The following PLCB1 variants were observed in gnomAD, a reference collection of about 807,000 sequenced individuals.
PLCB1 encodes 1-phosphatidylinositol 4,5-bisphosphate phosphodiesterase beta-1.
A neutral mutation model predicts 161.8 loss-of-function variants in PLCB1; 46 were observed. The ratio of observed to expected loss-of-function variants is 0.28; its 90% CI spans 0.22 to 0.36. The LOEUF (loss-of-function observed/expected upper bound fraction) is 0.36, where lower values mean the gene tolerates loss of function less well. Among genes scored for constraint, PLCB1 ranks in the 10% least tolerant of loss-of-function variants. PLCB1 has a pLI of 1.00. For synonymous variants in PLCB1, 517 were observed against 503.7 expected, an observed-to-expected ratio of 1.03 and a Z score of -0.35; for missense variants, 1,016 against 1,472.5, an observed-to-expected ratio of 0.69 and a Z score of 5.07.
chr20:8,133,559 C>T (rs1247119577), intron 1 of PLCB1, among the ~76,000 whole-genome samples: 1 of 152,174 alleles, frequency 6.6e-6, no homozygotes, highest in African/African-American at 2.4e-5. Flanking sequence ...TAATGCTTTA[C>T]GAGCGGCCCA....
intron 3 of PLCB1, among the ~76,000 whole-genome samples, chr20:8,453,992 C>T (rs754775955): frequency 2.6e-5 from 4 of 152,148 alleles, no homozygotes; most frequent in Non-Finnish European, 4.4e-5. Context: ...AGCTCACTCA[C>T]TCTGTGCACA....
At chr20:8,864,904 C>G (rs1044859297) in intron 31 of PLCB1, among the ~76,000 whole-genome samples, 1 of 152,066 alleles carries the variant, frequency 6.6e-6, no homozygotes, top group Non-Finnish European at 1.5e-5. Context: ...TGGGAAGCAG[C>G]GCCAGAATTA....
intron 2 of PLCB1, among the ~76,000 whole-genome samples, chr20:8,285,264 T>C (rs1286791059): frequency 6.7e-6 from 1 of 148,586 alleles, no homozygotes; most frequent in Admixed American, 6.7e-5. Flanking sequence ...CATATAAATA[T>C]AAAATATTTC....
chr20:8,232,685 G>T (rs17345498), intron 2 of PLCB1, among the ~76,000 whole-genome samples: 14,486 of 152,146 alleles, frequency 0.095, 846 homozygotes, highest in Middle Eastern at 0.21. Context: ...TGTGCTTCTT[G>T]CTGGGCACCA....
intron 31 of PLCB1, among the ~76,000 whole-genome samples, chr20:8,863,523 C>G (rs914040660): frequency 6.6e-6 from 1 of 152,176 alleles, no homozygotes; most frequent in African/African-American, 2.4e-5. Context: ...AAGCTTCCGA[C>G]TTAGTAAGTT....
intron 3 of PLCB1, among the ~76,000 whole-genome samples, chr20:8,618,567 C>T (rs1345351335): frequency 6.6e-6 from 1 of 151,940 alleles, no homozygotes; most frequent in Non-Finnish European, 1.5e-5. Context: ...AATCATATAA[C>T]ATAACTAACA....
chr20:8,234,073 T>C (rs1467488733), intron 2 of PLCB1, among the ~76,000 whole-genome samples: 1 of 152,134 alleles, frequency 6.6e-6, no homozygotes, highest in Non-Finnish European at 1.5e-5. Flanking sequence ...TAAAAATTTC[T>C]GCTTGGTGTG....
At chr20:8,720,393 C>T (rs1841225865) in intron 14 of PLCB1, among the ~76,000 whole-genome samples, 1 of 152,180 alleles carries the variant, frequency 6.6e-6, no homozygotes, top group African/African-American at 2.4e-5. Context: ...AACTTTTGGA[C>T]ATTTTAATAT....
intron 31 of PLCB1, chr20:8,802,279 T>G: frequency 1.5e-5 from 9 of 614,948 alleles, no homozygotes; most frequent in Non-Finnish European, 2.0e-5. Context: ...TCCCTTTCTC[T>G]ACATTCCCAT....
rs551358521 is a variant in PLCB1, at chr20:8,726,133, G to A, written c.1679-1176G>A. Reference sequence around the variant, plus strand: ...AATTTCGAAAGAGAGGTCAAAGAGGGAAAATATCTCAAAGATAACTCAGTT... The same window carrying A: ...AATTTCGAAAGAGAGGTCAAAGAGGAAAAATATCTCAAAGATAACTCAGTT... On this transcript the variant is annotated intron_variant, in intron 16 of 31. Coordinates refer to ENST00000338037, the MANE Select transcript of PLCB1 (RefSeq NM_015192.4). Among the ~76,000 whole-genome samples, 188 of 152,138 alleles carry A rather than the reference G, an allele frequency of 1.2e-3. No homozygotes were observed. The Middle Eastern group carries it at 0.014, about 11-fold the overall frequency.
chr20:8,161,952 A>C (rs1391691139), intron 2 of PLCB1, among the ~76,000 whole-genome samples: 6 of 151,962 alleles, frequency 3.9e-5, no homozygotes, highest in East Asian at 3.9e-4. Flanking sequence ...CAGAAGTAAC[A>C]CTCCACATGA....
intron 2 of PLCB1, chr20:8,306,462 G>A (rs1222035746): frequency 6.6e-6 from 1 of 152,216 alleles, no homozygotes; most frequent in South Asian, 2.1e-4. Context: ...ATTTACTTAA[G>A]TTTTGGATTG....
In PLCB1 at chr20:8,269,594, T is replaced by C. The variant is rs1005773185; in HGVS notation, c.178-101788T>C. ...GGAGTCGTAAAGTAATAAAGAAAAC[T>C]GATTGTCTTGTTTCCTATTTTTTTT... On this transcript the variant is annotated intron_variant, in intron 2 of 31. Coordinates refer to ENST00000338037, the MANE Select transcript of PLCB1 (RefSeq NM_015192.4). Among the ~76,000 whole-genome samples the C allele has an allele frequency of 3.3e-5, 5 of 152,248 alleles. No homozygotes were observed. The South Asian group carries it at 1.0e-3, about 32-fold the overall frequency.
At chr20:8,171,888 A>G (rs2051736180) in intron 2 of PLCB1, among the ~76,000 whole-genome samples, 1 of 152,190 alleles carries the variant, frequency 6.6e-6, no homozygotes, top group African/African-American at 2.4e-5. Flanking sequence ...GCACTTCCTT[A>G]ATTAGTTTAC....
At chr20:8,218,702 C>T (rs539196011) in intron 2 of PLCB1, among the ~76,000 whole-genome samples, 2 of 151,628 alleles carry the variant, frequency 1.3e-5, no homozygotes, top group African/African-American at 4.8e-5. Context: ...ATGAATTAGT[C>T]GGTCTCAAGG....
chr20:8,727,433 C>A (rs755893256), intron 17 of PLCB1, 40 bp downstream of exon 17: 5 of 1,067,116 alleles, frequency 4.7e-6, no homozygotes, highest in Non-Finnish European at 7.2e-6. Flanking sequence ...ATGAACACAG[C>A]TGAAGTCTTG....
At position 8,847,257 on chromosome 20, in the gene PLCB1, C is replaced by G. The variant is rs73605753; in HGVS notation, c.3424-34365C>G. Among the ~76,000 whole-genome samples, 1,323 of 152,276 alleles carry G rather than the reference C, an allele frequency of 8.7e-3. 22 individuals are homozygous for G. Among genetic ancestry groups the G allele is most frequent in the African/African-American group, 0.03 (1,233 of 41,554 alleles). On this transcript the variant is annotated intron_variant, in intron 31 of 31. Transcript: ENST00000338037. Reference sequence around the variant, plus strand: ...GCAGGATCTGAGACAAAAGAAAGCTCTCAATCTATAGCCTTTCACCTTGTC... The same window carrying G: ...GCAGGATCTGAGACAAAAGAAAGCTGTCAATCTATAGCCTTTCACCTTGTC...
rs987341729 is a variant in PLCB1, at chr20:8,144,362, C to T, written c.100-5932C>T. Among the ~76,000 whole-genome samples the T allele has an allele frequency of 3.9e-5, 6 of 152,234 alleles. No homozygotes were observed. The South Asian group carries it at 6.2e-4, about 16-fold the overall frequency. On this transcript the variant is annotated intron_variant, in intron 1 of 31. Coordinates refer to ENST00000338037, the MANE Select transcript of PLCB1 (RefSeq NM_015192.4). Reference sequence around the variant, plus strand: ...GGATTATCTGAAGGATCTTGCACGACACTTGAAGAACAATTCTTCCAACAT... The same window carrying T: ...GGATTATCTGAAGGATCTTGCACGATACTTGAAGAACAATTCTTCCAACAT...
intron 3 of PLCB1, among the ~76,000 whole-genome samples, chr20:8,401,162 AT>A (rs10717058): frequency 0.51 from 77,638 of 151,896 alleles, 20,915 homozygotes; most frequent in African/African-American, 0.69. Flanking sequence ...AACTTTTCAT[AT>A]TGTGTTGTTT....
Sources: gnomAD v4.1 joint callset for allele counts (sites outside exome capture counted in the v4.1 genomes callset) on GRCh38, gnomAD v4.1.1 for gene constraint, MANE v1.5 for transcripts, NCBI Gene and HGNC (gene_info 2026-07-23, HGNC 2026-07-21) for gene names.